SLC17A1: variants seen among roughly 807,000 people sequenced by gnomAD.
The protein encoded by SLC17A1 is sodium-dependent phosphate transport protein 1.
In SLC17A1, 51 loss-of-function variants were observed where a neutral mutation model predicts 53.5. The ratio of observed to expected loss-of-function variants is 0.95; its 90% CI spans 0.76 to 1.20. The LOEUF (loss-of-function observed/expected upper bound fraction) is 1.20, where lower values mean the gene tolerates loss of function less well. Among genes scored for constraint, SLC17A1 ranks in the 50% most tolerant of loss-of-function variants. The probability of loss-of-function intolerance (pLI) is 0.00; values close to 1 mark genes in which losing one functional copy is unlikely to be tolerated. For missense variants in SLC17A1, 538 were observed against 568.2 expected (o/e 0.95, Z 0.54); for synonymous variants, 179 against 198.8 (o/e 0.90, Z 0.84).
chr6:25,811,459 C>T lies in SLC17A1; in HGVS notation c.1117G>A (p.Gly373Ser), dbSNP rs1322747120. 6.2e-7 allele frequency: 1 copy of T among 1,613,786 alleles called. No individual in the cohort carries two copies. Among genetic ancestry groups the T allele is most frequent in the Admixed American group, 1.7e-5 (1 of 59,968 alleles). The change falls in exon 10 of 13, where the codon GGT (glycine) becomes AGT (serine). Residue 373 changes from glycine to serine, a missense_variant. Transcript: ENST00000244527. ...YSIVIFLILA[G>S]ATGSFCLGGV... The stretch of plus-strand genomic sequence containing the variant: ...CCCAAGCAAAAGCTGCCTGTTGCAC[C>T]AGCAAGTATTAGGAAAATGACAATG...
At chr6:25,726,264 G>A in the SLC17A1 span, 1 of 1,614,072 alleles carries the variant, frequency 6.2e-7, no homozygotes, top group South Asian at 1.1e-5. Context: ...CATCATTGCG[G>A]ATCGCTAGCT....
chr6:25,814,337 CA>C (rs1764261769), intron 6 of SLC17A1, among the ~76,000 whole-genome samples: 2 of 151,670 alleles, frequency 1.3e-5, no homozygotes, highest in Admixed American at 1.3e-4. Flanking sequence ...TTGTAGTGGA[CA>C]AAAAAGAAAA....
downstream of SLC17A1, among the ~76,000 whole-genome samples, chr6:25,781,992 C>T (rs1203420789): frequency 2.0e-5 from 3 of 152,050 alleles, no homozygotes; most frequent in South Asian, 4.1e-4. Context: ...AGAGAAAAGT[C>T]GCATATGCAA....
chr6:25,821,207 T>A (rs1764547888), intron 3 of SLC17A1, among the ~76,000 whole-genome samples: 1 of 152,178 alleles, frequency 6.6e-6, no homozygotes, highest in Non-Finnish European at 1.5e-5. Context: ...AATCCATATG[T>A]TTGTTGTCAT....
At chr6:25,770,975 C>T in the SLC17A1 span, 2 of 1,613,866 alleles carry the variant, frequency 1.2e-6, no homozygotes, top group Non-Finnish European at 8.5e-7. Flanking sequence ...GTCTCCTCTG[C>T]CAGACCATAG....
At chr6:25,776,495 A>G in the SLC17A1 span, 6 of 1,428,076 alleles carry the variant, frequency 4.2e-6, no homozygotes, top group Middle Eastern at 6.3e-4. Flanking sequence ...TGATGCGTAT[A>G]TAAAGAAAAG....
chr6:25,773,916 A>G, the SLC17A1 span, among the ~76,000 whole-genome samples: 3 of 152,158 alleles, frequency 2.0e-5, no homozygotes, highest in African/African-American at 7.2e-5. Context: ...ATCATATTTT[A>G]TTATACTATT....
the SLC17A1 span, among the ~76,000 whole-genome samples, chr6:25,752,156 G>A: frequency 2.6e-5 from 4 of 152,128 alleles, no homozygotes; most frequent in East Asian, 1.9e-4. Context: ...TGTGCTGTGC[G>A]GCAGTTTTGT....
rs190561413 is a variant in SLC17A1, at chr6:25,814,136, T to G, written c.617-923A>C. ...AAATTGTTTCTATGAGTTTTTTATATGAATAATTTGACTGTGAGGAATTCT... is the reference window on the plus strand; with the variant it reads ...AAATTGTTTCTATGAGTTTTTTATAGGAATAATTTGACTGTGAGGAATTCT... On this transcript the variant is annotated intron_variant, in intron 6 of 12. Transcript: ENST00000244527. 2.3e-3 allele frequency among the ~76,000 whole-genome samples: 347 copies of G among 152,354 alleles called. 3 individuals are homozygous for G. The highest frequency in any genetic ancestry group is 2.1e-3 in the Non-Finnish European group (140 of 68,022).
At chr6:25,778,927 T>A (rs1271043764), downstream of SLC17A1, 16 of 1,212,402 alleles carry the variant, frequency 1.3e-5, no homozygotes, top group Admixed American at 3.3e-4. Flanking sequence ...TAGGACCAAC[T>A]GGGAAGCCCA....
chr6:25,727,172 C>G, the SLC17A1 span: 9 of 1,614,184 alleles, frequency 5.6e-6, no homozygotes, highest in Non-Finnish European at 7.6e-6. Context: ...ACAGCAAGCG[C>G]TCCACCATTT....
At chr6:25,763,476 C>T in the SLC17A1 span, among the ~76,000 whole-genome samples, 4 of 152,182 alleles carry the variant, frequency 2.6e-5, no homozygotes, top group African/African-American at 9.7e-5. Flanking sequence ...ATTCTCATCC[C>T]CTTCTCTGGC....
chr6:25,786,092 A>C (rs1763377008), intron 12 of SLC17A1, among the ~76,000 whole-genome samples: 1 of 152,252 alleles, frequency 6.6e-6, no homozygotes, highest in African/African-American at 2.4e-5. Flanking sequence ...CAGTGGATTA[A>C]TGTATAAACA....
the SLC17A1 span, chr6:25,769,948 G>C: frequency 1.2e-6 from 1 of 827,178 alleles, no homozygotes; most frequent in Non-Finnish European, 2.0e-6. Flanking sequence ...TATATTGGAG[G>C]AACTGGAGAA....
At chr6:25,732,265 C>T in the SLC17A1 span, among the ~76,000 whole-genome samples, 1 of 152,166 alleles carries the variant, frequency 6.6e-6, no homozygotes, top group Non-Finnish European at 1.5e-5. Context: ...TTGCATCCAA[C>T]ATCTGATTGG....
chr6:25,773,646 G>T, the SLC17A1 span: 8 of 1,613,544 alleles, frequency 5.0e-6, no homozygotes, highest in East Asian at 1.8e-4. Flanking sequence ...ACGTACATCA[G>T]CTCGGTACTT....
At chr6:25,808,498 AAAG>A (rs1188299621) in intron 10 of SLC17A1, among the ~76,000 whole-genome samples, 2 of 152,092 alleles carry the variant, frequency 1.3e-5, no homozygotes, top group African/African-American at 4.8e-5. Flanking sequence ...GCTATTGAAA[AAAG>A]AAGAATTTTT....
chr6:25,736,178 C>T, the SLC17A1 span, among the ~76,000 whole-genome samples: 1 of 152,064 alleles, frequency 6.6e-6, no homozygotes, highest in Non-Finnish European at 1.5e-5. Context: ...GGACTTCAGT[C>T]CCAGCAGCTT....
chr6:25,807,522 CTTTAGTGAGGATAT>C (rs562212425), intron 10 of SLC17A1, among the ~76,000 whole-genome samples: 1 of 152,050 alleles, frequency 6.6e-6, no homozygotes, highest in East Asian at 1.9e-4. Flanking sequence ...GGGATACATT[CTTTAGTGAGGATAT>C]TTGAGATTTT....
Sources: allele counts gnomAD v4.1 joint callset (sites outside exome capture counted in the v4.1 genomes callset), GRCh38; gene constraint gnomAD v4.1.1; transcripts MANE v1.5; gene names NCBI Gene and HGNC (gene_info 2026-07-23, HGNC 2026-07-21).